Variants in FPGT observed in about 807,000 individuals in gnomAD.
FPGT encodes the protein GDP-L-fucose diphosphorylase.
FPGT carries 41 observed loss-of-function variants against 45.8 expected under a neutral mutation model. The ratio of observed to expected loss-of-function variants is 0.90; its 90% CI spans 0.70 to 1.16. The LOEUF is 1.16. FPGT is among the 50% of genes most tolerant of loss of function. FPGT has a pLI of 0.00. For missense variants in FPGT, 755 were observed against 689.1 expected (o/e 1.10, Z -1.07); for synonymous variants, 292 against 247.2 (o/e 1.18, Z -1.70).
intron 2 of FPGT, 117 bp downstream of exon 2, chr1:74,199,948 C>T (rs2100765748): frequency 8.5e-7 from 1 of 1,177,456 alleles, no homozygotes; most frequent in Non-Finnish European, 1.1e-6. Context: ...GCTTTACAAA[C>T]TTTAAAATTT....
chr1:74,201,533 G>T lies in FPGT; in HGVS notation c.343+123G>T, dbSNP rs577466505. ...TTAAAAGAATCTTTGAAGTTATTCTGCTTTGAAAACAAATATTTTATGATT... is the reference window on the plus strand; with the variant it reads ...TTAAAAGAATCTTTGAAGTTATTCTTCTTTGAAAACAAATATTTTATGATT... On this transcript the variant is annotated intron_variant, in intron 3 of 3. Transcript: ENST00000370898. 17 of 623,778 alleles carry T rather than the reference G, an allele frequency of 2.7e-5. No homozygotes were observed. In the East Asian group the frequency reaches 4.1e-4, roughly 15 times the overall value. The allele number at this position is 623,778 out of a possible 1,614,324, so 38.6% of individuals were successfully genotyped here.
rs780370068 is a variant in FPGT, at chr1:74,199,679, G to A, written c.98G>A (p.Arg33His). 5 of 1,612,222 alleles carry A rather than the reference G, an allele frequency of 3.1e-6. No homozygotes were observed. The highest frequency in any genetic ancestry group is 1.1e-5 in the South Asian group (1 of 90,602). Residue 33 changes from arginine (R) to histidine (H), a missense_variant, in exon 2 of 4, where the codon CGT becomes CAT. Arg to His is a conservative substitution (Grantham distance 29). Transcript: ENST00000370898. ...FSELRGKLVARGEFWDIVAIT... is the reference protein window; with the variant it reads ...FSELRGKLVAHGEFWDIVAIT... ...TTCCAAATAGGCAAACTTGTAGCAC[G>A]TGGAGAATTCTGGGACATAGTTGCA...
intron 1 of FPGT, among the ~76,000 whole-genome samples, chr1:74,198,717 A>G (rs955685177): frequency 2.0e-5 from 3 of 152,218 alleles, no homozygotes; most frequent in Non-Finnish European, 4.4e-5. Flanking sequence ...AGTAGATGCC[A>G]GCCCCCTATC....
rs1182408740 is a variant in FPGT at position 74,206,651 on chromosome 1, G to C, written c.*819G>C. 1.3e-5 allele frequency: 2 copies of C among 152,054 alleles called. No individual in the cohort carries two copies. The highest frequency in any genetic ancestry group is 3.8e-4 in the East Asian group (2 of 5,198). 9.4% of individuals were successfully genotyped at this position (152,054 alleles called of 1,614,324 possible). ...TCTAACAAAACTTCAATTACCAGAT[G>C]AACTGACTTTAGTTTTCATCTTATT... On this transcript the variant is annotated 3_prime_UTR_variant, in exon 4 of 4. Transcript: ENST00000370898.
chr1:74,199,278 T>C (rs1352300684), intron 1 of FPGT, among the ~76,000 whole-genome samples: 2 of 152,238 alleles, frequency 1.3e-5, no homozygotes, highest in East Asian at 1.9e-4. Flanking sequence ...TACATAAGAA[T>C]TGATTTGCAA....
chr1:74,202,915 A>G (rs952616857), intron 3 of FPGT, among the ~76,000 whole-genome samples: 2 of 152,194 alleles, frequency 1.3e-5, no homozygotes, highest in Non-Finnish European at 2.9e-5. Flanking sequence ...CACTACCTCT[A>G]TAGTCCTACT....
At chr1:74,198,583 A>G (rs945154604) in intron 1 of FPGT, among the ~76,000 whole-genome samples, 1 of 152,174 alleles carries the variant, frequency 6.6e-6, no homozygotes, top group Admixed American at 6.5e-5. Context: ...TATAGATATT[A>G]AAAATGAGGG....
At chr1:74,199,187 C>A (rs1651525698) in intron 1 of FPGT, among the ~76,000 whole-genome samples, 1 of 152,028 alleles carries the variant, frequency 6.6e-6, no homozygotes, top group African/African-American at 2.4e-5. Flanking sequence ...AATAAAGTAC[C>A]CACATTTATA....
Position 74,198,277 on chromosome 1 carries a change from C to A in FPGT, c.-2C>A, listed in dbSNP as rs773346127. 2.5e-6 allele frequency: 4 copies of A among 1,613,736 alleles called. No homozygotes were observed. Among genetic ancestry groups the A allele is most frequent in the African/African-American group, 1.3e-5 (1 of 74,908 alleles). On this transcript the variant is annotated 5_prime_UTR_variant, in exon 1 of 4. Coordinates refer to ENST00000370898, the MANE Select transcript of FPGT (RefSeq NM_003838.5). Reference sequence around the variant, plus strand: ...CGGCGCGGTCTCAGGGAAGGTGGGGCTATGGCAGCTGCTAGGGACCCTCCG... The same window carrying A: ...CGGCGCGGTCTCAGGGAAGGTGGGGATATGGCAGCTGCTAGGGACCCTCCG...
rs200510819 is a variant in FPGT at position 74,199,839 on chromosome 1, C to G, written c.250+8C>G. 43 of 1,612,168 alleles carry G rather than the reference C, an allele frequency of 2.7e-5. No homozygotes were observed. Among genetic ancestry groups the G allele is most frequent in the Non-Finnish European group, 3.3e-5 (39 of 1,179,456 alleles). ...CTGCTGGAGCCAAAATTGGTACGCG[C>G]TTTATGGTCAGTTTTATAATATAGG... is the stretch of plus-strand genomic sequence containing the variant. On this transcript the variant is annotated splice_region_variant and intron_variant, in intron 2 of 3. Coordinates refer to ENST00000370898, the MANE Select transcript of FPGT (RefSeq NM_003838.5).
chr1:74,204,287 A>T, intron 3 of FPGT, 104 bp from the exon 4 acceptor site: 1 of 662,518 alleles, frequency 1.5e-6, no homozygotes, highest in Non-Finnish European at 2.4e-6. Context: ...AATATCGTTA[A>T]ATATATTTTG....
rs1652289467 is a variant in FPGT, at chr1:74,206,415, C to T, written c.*583C>T. ...AAAATTTGTATCTCATTAATTTTATCAAAATGAAACTAAAAGTACATATGT... is the reference window on the plus strand; with the variant it reads ...AAAATTTGTATCTCATTAATTTTATTAAAATGAAACTAAAAGTACATATGT... On this transcript the variant is annotated 3_prime_UTR_variant, in exon 4 of 4. Coordinates refer to ENST00000370898, the MANE Select transcript of FPGT (RefSeq NM_003838.5). 6.6e-6 allele frequency: 1 copy of T among 152,000 alleles called. No individual in the cohort carries two copies. The highest frequency in any genetic ancestry group is 2.4e-5 in the African/African-American group (1 of 41,408). 9.4% of individuals were successfully genotyped at this position (152,000 alleles called of 1,614,324 possible).
Position 74,204,834 on chromosome 1 carries a change from T to G in FPGT, c.787T>G (p.Leu263Val), listed in dbSNP as rs1248956484. 4 of 1,613,728 alleles carry G rather than the reference T, an allele frequency of 2.5e-6. No individual in the cohort carries two copies. The highest frequency in any genetic ancestry group is 3.4e-6 in the Non-Finnish European group (4 of 1,179,992). The change falls in exon 4 of 4, where the codon TTA (leucine) becomes GTA (valine). Residue 263 changes from leucine (L) to valine (V), a missense_variant. Physicochemically the swap from Leu to Val is conservative, Grantham distance 32. Coordinates refer to ENST00000370898, the MANE Select transcript of FPGT (RefSeq NM_003838.5). ...FAGGDIADLK[L>V]DSDYVYTDSL... is the part of the protein sequence containing the mutation. Reference sequence around the variant, plus strand: ...TGGGGGTGACATTGCCGATCTTAAATTAGACTCTGACTATGTCTACACAGA... The same window carrying G: ...TGGGGGTGACATTGCCGATCTTAAAGTAGACTCTGACTATGTCTACACAGA...
intron 2 of FPGT, among the ~76,000 whole-genome samples, chr1:74,200,313 C>A (rs1398524667): frequency 6.6e-6 from 1 of 152,120 alleles, no homozygotes; most frequent in Non-Finnish European, 1.5e-5. Flanking sequence ...CTTTGACCGT[C>A]CATTGCAAAT....
chr1:74,203,762 C>A (rs1034898858), intron 3 of FPGT, among the ~76,000 whole-genome samples: 3 of 151,506 alleles, frequency 2.0e-5, no homozygotes, highest in Admixed American at 2.0e-4. Context: ...TAGATACAGG[C>A]TGGGTGTGGT....
At chr1:74,199,458 A>G (rs752582430) in intron 1 of FPGT, among the ~76,000 whole-genome samples, 39 of 152,238 alleles carry the variant, frequency 2.6e-4, no homozygotes, top group Non-Finnish European at 5.3e-4. Context: ...AAGAAAAAAA[A>G]GGAACTTGTG....
chr1:74,201,473 A>G, intron 3 of FPGT, 63 bp downstream of exon 3: 1 of 1,087,362 alleles, frequency 9.2e-7, no homozygotes, highest in Non-Finnish European at 1.3e-6. Context: ...TACTTTAGAG[A>G]CTTTTTTCTT....
rs1652285408 is a variant in FPGT, at chr1:74,206,359, A to G, written c.*527A>G. 1.3e-5 allele frequency: 2 copies of G among 152,210 alleles called. No homozygotes were observed. Among genetic ancestry groups the G allele is most frequent in the African/African-American group, 2.4e-5 (1 of 41,462 alleles). The allele number at this position is 152,210 out of a possible 1,614,324, so 9.4% of individuals were successfully genotyped here. A position where few individuals can be genotyped will look rare whatever the true frequency, so the allele number is the denominator to read the frequency against. On this transcript the variant is annotated 3_prime_UTR_variant, in exon 4 of 4. Coordinates refer to ENST00000370898, the MANE Select transcript of FPGT (RefSeq NM_003838.5). Reference sequence around the variant, plus strand: ...TTGTGATTATTTTCGTTGATAAAGAACTAGATACAAAGACCTCTGAAATTG... The same window carrying G: ...TTGTGATTATTTTCGTTGATAAAGAGCTAGATACAAAGACCTCTGAAATTG...
chr1:74,204,452 T>A lies in FPGT; in HGVS notation c.405T>A (p.Pro135=). 1.2e-6 allele frequency: 2 copies of A among 1,606,386 alleles called. No homozygotes were observed. The highest frequency in any genetic ancestry group is 1.7e-6 in the Non-Finnish European group (2 of 1,173,856). The change falls in exon 4 of 4, where the codon CCT becomes CCA. Residue 135 remains proline (P), a synonymous_variant. Transcript: ENST00000370898. The stretch of plus-strand genomic sequence containing the variant: ...TGGGAAAAATTTTCACTGCTTTACC[T>A]CTTGGTAACCCCATTTATCAGATGC... The part of the protein sequence containing the change: ...SALGKIFTAL[P]LGNPIYQMLE...
Sources: allele counts gnomAD v4.1 joint callset (sites outside exome capture counted in the v4.1 genomes callset), GRCh38; gene constraint gnomAD v4.1.1; transcripts MANE v1.5; gene names NCBI Gene and HGNC (gene_info 2026-07-23, HGNC 2026-07-21).